Variants in SETD1B observed in about 807,000 individuals in gnomAD.
SETD1B encodes histone-lysine N-methyltransferase SETD1B.
SETD1B carries 7 observed loss-of-function variants against 148.0 expected under a neutral mutation model. The ratio of observed to expected loss-of-function variants is 0.05; its 90% CI spans 0.03 to 0.09. The LOEUF is 0.09. Ranked by LOEUF, SETD1B falls within the 10% of genes least tolerant of loss-of-function variation. SETD1B has a pLI of 1.00. For missense variants in SETD1B, 2,155 were observed against 2,729.9 expected, an observed-to-expected ratio of 0.79 and a Z score of 4.69; for synonymous variants, 1,361 against 1,186.5, an observed-to-expected ratio of 1.15 and a Z score of -3.02.
intron 11 of SETD1B, among the ~76,000 whole-genome samples, chr12:121,820,396 A>G (rs764968410): frequency 3.3e-5 from 5 of 152,258 alleles, no homozygotes; most frequent in Admixed American, 6.5e-5. Flanking sequence ...CCAGCACTGT[A>G]GCCTTCAGAC....
chr12:121,798,018 C>T, the SETD1B span: 470 of 186,632 alleles, frequency 2.5e-3, 1 homozygote, highest in South Asian at 8.9e-3. Context: ...AACAGCACCA[C>T]GCCAGTTACT....
chr12:121,830,036 G>A lies in SETD1B; in HGVS notation c.5728-30G>A, dbSNP rs777107586. 42 of 1,539,242 alleles carry A rather than the reference G, an allele frequency of 2.7e-5. No individual in the cohort carries two copies. The highest frequency in any genetic ancestry group is 3.4e-5 in the Non-Finnish European group (39 of 1,138,756). ...TGGTGGGGGACCCTGGGGGACCAGG[G>A]GCTCATTCTCCCCCCCACCTTGCCT... On this transcript the variant is annotated intron_variant, in intron 16 of 16. Coordinates refer to ENST00000604567, the MANE Select transcript of SETD1B (RefSeq NM_001353345.2). The surrounding 1 kb of genome is among the most constrained non-coding windows in gnomAD (Gnocchi z 5.7).
At chr12:121,828,194 C>A in intron 16 of SETD1B, 124 bp downstream of exon 16, 1 of 1,320,856 alleles carries the variant, frequency 7.6e-7, no homozygotes, top group Non-Finnish European at 1.0e-6. Flanking sequence ...CTCAGGTTGG[C>A]CAAGGGTTAT....
At position 121,823,334 on chromosome 12, in the gene SETD1B, C is replaced by CCCGGGG; in HGVS notation, c.4756_4757insCGGGGC (p.Pro1585_Leu1586insProGly). On this transcript the variant is annotated inframe_insertion, in exon 12 of 17. Transcript: ENST00000604567. ...CGGGGATCCCAGCCCCTCCACCACC[C>CCCGGGG]CTTCCCCCCCAGCCACCCCCACCCC... is the stretch of plus-strand genomic sequence containing the variant. The CCCGGGG allele has an allele frequency of 8.4e-6, 12 of 1,435,358 alleles. No homozygotes were observed. The highest frequency in any genetic ancestry group is 1.1e-5 in the Non-Finnish European group (12 of 1,052,160). The allele number at this position is 1,435,358 out of a possible 1,614,324, so 88.9% of individuals were successfully genotyped here. A position where few individuals can be genotyped will look rare whatever the true frequency, so the allele number is the denominator to read the frequency against.
the SETD1B span, among the ~76,000 whole-genome samples, chr12:121,790,429 C>T: frequency 6.6e-6 from 1 of 152,266 alleles, no homozygotes; most frequent in African/African-American, 2.4e-5. Context: ...CTGGCCATGG[C>T]TTTCTGTCCT....
intron 7 of SETD1B, among the ~76,000 whole-genome samples, chr12:121,816,570 T>C (rs892243393): frequency 6.6e-6 from 1 of 152,240 alleles, no homozygotes; most frequent in African/African-American, 2.4e-5. Flanking sequence ...GTGGCTCGTT[T>C]TGTTAATTCT....
rs372168272 is a variant in SETD1B at position 121,808,278 on chromosome 12, C to T, written c.615C>T (p.Gly205=). ...GRYTPQTLPV[G]ELDAVSPIVN... is the part of the protein sequence containing the mutation. The stretch of plus-strand genomic sequence containing the variant: ...ACACCCCCCAGACCCTCCCAGTGGG[C>T]GAGCTGGACGCTGTCTCTCCAATCG... Residue 205 remains glycine (G), a synonymous_variant, in exon 5 of 17, where the codon GGC becomes GGT. Coordinates refer to ENST00000604567, the MANE Select transcript of SETD1B (RefSeq NM_001353345.2). The surrounding 1 kb of genome is among the most constrained non-coding windows in gnomAD (Gnocchi z 5.3). The T allele has an allele frequency of 8.4e-6, 13 of 1,550,548 alleles. No homozygotes were observed. The highest frequency in any genetic ancestry group is 5.5e-5 in the African/African-American group (4 of 72,830).
At chr12:121,793,214 T>C in the SETD1B span, 7 of 1,550,848 alleles carry the variant, frequency 4.5e-6, no homozygotes, top group African/African-American at 9.6e-5. Flanking sequence ...GGCCGTGTAC[T>C]TCTCGAACAC....
the SETD1B span, chr12:121,795,261 C>T: frequency 6.6e-6 from 1 of 152,326 alleles, no homozygotes; most frequent in African/African-American, 2.4e-5. Context: ...CACAGCAACT[C>T]ATCCATTCCT....
At chr12:121,797,187 C>G in the SETD1B span, 1 of 349,052 alleles carries the variant, frequency 2.9e-6, no homozygotes, top group Non-Finnish European at 5.7e-6. Flanking sequence ...GGCTGTGTCT[C>G]CACCCAGAGG....
chr12:121,823,729 C>T lies in SETD1B; in HGVS notation c.5150C>T (p.Thr1717Met), dbSNP rs1428541536. ...QDNGMDWLND[T>M]LWVYHPSTSL... Reference sequence around the variant, plus strand: ...AATGGCATGGACTGGCTTAACGACACGCTCTGGGTCTACCATCCCTATATC... The same window carrying T: ...AATGGCATGGACTGGCTTAACGACATGCTCTGGGTCTACCATCCCTATATC... The change falls in exon 12 of 17, where the codon ACG (threonine) becomes ATG (methionine). Residue 1717 changes from threonine (T) to methionine (M), a missense_variant. By Grantham distance (81) the Thr-to-Met change is moderately conservative (BLOSUM62 -1). Coordinates refer to ENST00000604567, the MANE Select transcript of SETD1B (RefSeq NM_001353345.2). The T allele has an allele frequency of 6.4e-7, 1 of 1,550,416 alleles. No individual in the cohort carries two copies. The highest frequency in any genetic ancestry group is 8.7e-7 in the Non-Finnish European group (1 of 1,146,394).
Position 121,823,337 on chromosome 12 carries a change from T to TGGGC in SETD1B, c.4758_4759insGGGC (p.Pro1587GlyfsTer22). The stretch of plus-strand genomic sequence containing the variant: ...GGATCCCAGCCCCTCCACCACCCCT[T>TGGGC]CCCCCCCAGCCACCCCCACCCCCAC... On this transcript the variant is annotated frameshift_variant, in exon 12 of 17. Transcript: ENST00000604567. LOFTEE classifies it high-confidence loss of function. The TGGGC allele has an allele frequency of 2.5e-6, 2 of 809,436 alleles. No homozygotes were observed. Among genetic ancestry groups the TGGGC allele is most frequent in the Non-Finnish European group, 3.6e-6 (2 of 560,514 alleles). 50.1% of individuals were successfully genotyped at this position (809,436 alleles called of 1,614,324 possible).
chr12:121,799,736 T>TGGGGGGGTG (rs1459030938), upstream of SETD1B: 2 of 30,934 alleles, frequency 6.5e-5, no homozygotes, highest in Non-Finnish European at 1.4e-4. Context: ...GGGGGTGGGG[T>TGGGGGGGTG]GGGGCGGGGC....
At position 121,805,271 on chromosome 12, in the gene SETD1B, A is replaced by C; in HGVS notation, c.273+55A>C. On this transcript the variant is annotated intron_variant, in intron 3 of 16. Coordinates refer to ENST00000604567, the MANE Select transcript of SETD1B (RefSeq NM_001353345.2). This position sits in a 1 kb window ranked among gnomAD's most constrained non-coding sequence, Gnocchi z 4.2. The stretch of plus-strand genomic sequence containing the variant: ...CCTCCCCCACCTCCCCGAGTTCGAA[A>C]ATAACGCCAGTCCTGACCGAGCCCA... 2 of 1,396,046 alleles carry C rather than the reference A, an allele frequency of 1.4e-6. No individual in the cohort carries two copies. The highest frequency in any genetic ancestry group is 2.0e-6 in the Non-Finnish European group (2 of 1,009,660). The allele number at this position is 1,396,046 out of a possible 1,614,324, so 86.5% of individuals were successfully genotyped here.
Position 121,817,463 on chromosome 12 carries a change from C to T in SETD1B, c.3071C>T (p.Ala1024Val), listed in dbSNP as rs868170282. ...GGCGTGGGTGTGCGGCGGCGGCCGG[C>T]GCGGCCTCTGGAGCTGGACAGTGGT... ...PKGVGVRRRP[A>V]RPLELDSGGE... Residue 1024 changes from alanine to valine, a missense_variant, in exon 9 of 17, where the codon GCG becomes GTG. Around this residue, in one of 11 missense-constraint regions of SETD1B, gnomAD observed 289 missense variants for 423.7 expected, o/e 0.68. Transcript: ENST00000604567. This position sits in a 1 kb window ranked among gnomAD's most constrained non-coding sequence, Gnocchi z 8.1. The T allele has an allele frequency of 9.0e-6, 14 of 1,548,288 alleles. 1 individual carries two copies. The East Asian group carries it at 2.5e-4, about 27-fold the overall frequency.
At chr12:121,796,154 G>A in the SETD1B span, 5 of 152,634 alleles carry the variant, frequency 3.3e-5, no homozygotes, top group African/African-American at 1.2e-4. Flanking sequence ...GCCCACTGAG[G>A]AACTGGGCAT....
chr12:121,817,107 G>C lies in SETD1B; in HGVS notation c.2790G>C (p.Ser930=). 1 of 1,549,104 alleles carries C rather than the reference G, an allele frequency of 6.5e-7. No homozygotes were observed. Among genetic ancestry groups the C allele is most frequent in the Non-Finnish European group, 8.7e-7 (1 of 1,146,826 alleles). The change falls in exon 8 of 17, where the codon TCG becomes TCC. Residue 930 remains serine (S), a synonymous_variant. Transcript: ENST00000604567. The surrounding 1 kb of genome is among the most constrained non-coding windows in gnomAD (Gnocchi z 8.1). ...DRPKPKDRIA[S]CLLESWGKGE... is the part of the protein sequence containing the mutation. Reference sequence around the variant, plus strand: ...CGAAGCCCAAGGACCGCATCGCCTCGTGCCTGCTGGAGTCATGGGGCAAGG... The same window carrying C: ...CGAAGCCCAAGGACCGCATCGCCTCCTGCCTGCTGGAGTCATGGGGCAAGG...
chr12:121,810,395 A>T lies in SETD1B; in HGVS notation c.1450A>T (p.Thr484Ser), dbSNP rs998506997. The change falls in exon 6 of 17, where the codon ACG (threonine) becomes TCG (serine). Residue 484 changes from threonine to serine, a missense_variant. By Grantham distance (58) the Thr-to-Ser change is moderately conservative (BLOSUM62 1). Coordinates refer to ENST00000604567, the MANE Select transcript of SETD1B (RefSeq NM_001353345.2). The surrounding 1 kb of genome is among the most constrained non-coding windows in gnomAD (Gnocchi z 7.6). ...PEPCDSPGTP[T>S]LESSPAGPEK... ...GCCCTGTGACAGCCCTGGCACGCCC[A>T]CGCTGGAGTCGTCCCCTGCAGGGCC... 1 of 1,548,618 alleles carries T rather than the reference A, an allele frequency of 6.5e-7. No homozygotes were observed. Among genetic ancestry groups the T allele is most frequent in the Non-Finnish European group, 8.7e-7 (1 of 1,146,896 alleles).
rs1226946252 is a variant in SETD1B, at chr12:121,823,083, C to T, written c.4504C>T (p.Pro1502Ser). Residue 1502 changes from proline to serine, a missense_variant, in exon 12 of 17, where the codon CCC becomes TCC. Pro to Ser is a moderately conservative substitution (Grantham distance 74). Around this residue, in one of 11 missense-constraint regions of SETD1B, gnomAD observed 862 missense variants for 873.8 expected, o/e 0.99. Coordinates refer to ENST00000604567, the MANE Select transcript of SETD1B (RefSeq NM_001353345.2). The part of the protein sequence containing the change: ...AQARAPTPLP[P>S]LLPAPLASCP... ...GGCTCGTGCGCCCACCCCGCTGCCACCCCTGCTGCCCGCCCCCCTGGCCTC... is the reference window on the plus strand; with the variant it reads ...GGCTCGTGCGCCCACCCCGCTGCCATCCCTGCTGCCCGCCCCCCTGGCCTC... 4 of 1,510,382 alleles carry T rather than the reference C, an allele frequency of 2.6e-6. No individual in the cohort carries two copies. In the East Asian group the frequency reaches 7.4e-5, roughly 28 times the overall value. 93.6% of individuals were successfully genotyped at this position (1,510,382 alleles called of 1,614,324 possible).
Sources: allele counts gnomAD v4.1 joint callset (sites outside exome capture counted in the v4.1 genomes callset), GRCh38; gene constraint gnomAD v4.1.1; regional missense constraint gnomAD v4.1.1; non-coding constraint Gnocchi (gnomAD v3.1); transcripts MANE v1.5; gene names NCBI Gene and HGNC (gene_info 2026-07-23, HGNC 2026-07-21).